The following PLA2G2D variants were observed in gnomAD, a reference collection of about 807,000 sequenced individuals.
PLA2G2D encodes the protein group IID secretory phospholipase A2.
A neutral mutation model predicts 13.9 loss-of-function variants in PLA2G2D; 17 were observed. The observed-to-expected ratio is 1.23, with a 90% CI of 0.84 to 1.84. The LOEUF (loss-of-function observed/expected upper bound fraction) is 1.84. Ranked by LOEUF, PLA2G2D falls within the 40% of genes most tolerant of loss-of-function variation. The probability of loss-of-function intolerance (pLI) is 0.00; values close to 1 mark genes in which losing one functional copy is unlikely to be tolerated. For synonymous variants in PLA2G2D, 83 were observed against 69.3 expected, an observed-to-expected ratio of 1.20 and a Z score of -0.98; for missense variants, 194 against 178.7, an observed-to-expected ratio of 1.09 and a Z score of -0.49.
intron 3 of PLA2G2D, among the ~76,000 whole-genome samples, 180 bp from the exon 4 acceptor site, chr1:20,114,439 A>G (rs2016943210): frequency 1.3e-5 from 2 of 152,152 alleles, no homozygotes; most frequent in Non-Finnish European, 2.9e-5. Flanking sequence ...GTGCCATTGC[A>G]CCTTCAGTTA....
chr1:20,115,600 G>A lies in PLA2G2D; in HGVS notation c.199C>T (p.His67Tyr). 3 of 1,609,704 alleles carry A rather than the reference G, an allele frequency of 1.9e-6. No individual in the cohort carries two copies. Among genetic ancestry groups the A allele is most frequent in the Non-Finnish European group, 2.6e-6 (3 of 1,176,056 alleles). Residue 67 changes from histidine (H) to tyrosine (Y), a missense_variant, in exon 3 of 4, where the codon CAT becomes TAT. By Grantham distance (83) the His-to-Tyr change is moderately conservative. Transcript: ENST00000375105. ...TTCAGGTGGTCATAGCAGCAGTCAT[G>A]GGTCTGGCAGCACCTGGAGCAGACA... ...KDATDWCCQT[H>Y]DCCYDHLKTQ... is the part of the protein sequence containing the mutation.
chr1:20,114,007 G>A lies in PLA2G2D; in HGVS notation c.*107C>T. ...GGTAGAGGGTTCCGGGGGAGGCTGGGACTACCTCCCCCCGGAGTGTTTGAA... is the reference window on the plus strand; with the variant it reads ...GGTAGAGGGTTCCGGGGGAGGCTGGAACTACCTCCCCCCGGAGTGTTTGAA... On this transcript the variant is annotated 3_prime_UTR_variant, in exon 4 of 4. Transcript: ENST00000375105. 3.9e-6 allele frequency: 4 copies of A among 1,012,722 alleles called. No individual in the cohort carries two copies. The South Asian group carries it at 6.4e-5, about 16-fold the overall frequency. The allele number at this position is 1,012,722 out of a possible 1,614,324, so 62.7% of individuals were successfully genotyped here.
At chr1:20,114,364 A>T (rs1363884010) in intron 3 of PLA2G2D, 105 bp from the exon 4 acceptor site, 1 of 1,226,388 alleles carries the variant, frequency 8.2e-7, no homozygotes, top group Non-Finnish European at 1.1e-6. Context: ...TCAGTCGTAG[A>T]GGTACCGGTC....
In PLA2G2D at chr1:20,115,537, A is replaced by T. The variant is rs892094232; in HGVS notation, c.262T>A (p.Tyr88Asn). Residue 88 changes from tyrosine to asparagine, a missense_variant, in exon 3 of 4, where the codon TAC becomes AAC. Physicochemically the swap from Tyr to Asn is moderately radical, Grantham distance 143 (BLOSUM62 -2). Coordinates refer to ENST00000375105, the MANE Select transcript of PLA2G2D (RefSeq NM_012400.4). Reference protein sequence around the residue: ...GCSIYKDYYRYNFSQGNIHCS... With the variant: ...GCSIYKDYYRNNFSQGNIHCS... ...TGGATGTTCCCCTGGGAAAAGTTGT[A>T]TCTGTAATAGTCCTTGTAGATGCTG... is the stretch of plus-strand genomic sequence containing the variant. 6.2e-7 allele frequency: 1 copy of T among 1,610,258 alleles called. No individual in the cohort carries two copies. The highest frequency in any genetic ancestry group is 8.5e-7 in the Non-Finnish European group (1 of 1,176,544).
intron 3 of PLA2G2D, among the ~76,000 whole-genome samples, chr1:20,114,794 A>C (rs2016950603): frequency 6.6e-6 from 1 of 152,186 alleles, no homozygotes; most frequent in Admixed American, 6.5e-5. Flanking sequence ...GGGGGCTGTC[A>C]TGAGAGTTAA....
At position 20,115,860 on chromosome 1, in the gene PLA2G2D, G is replaced by A. The variant is rs994553646; in HGVS notation, c.186-247C>T. Among the ~76,000 whole-genome samples the A allele has an allele frequency of 2.6e-5, 4 of 152,112 alleles. No homozygotes were observed. The East Asian group carries it at 5.8e-4, about 22-fold the overall frequency. ...TGGGATGGAGGTACTCATATTATCC[G>A]CTCTTCAGAGATGAAGAAACTGAGA... On this transcript the variant is annotated intron_variant, in intron 2 of 3. Coordinates refer to ENST00000375105, the MANE Select transcript of PLA2G2D (RefSeq NM_012400.4).
intron 2 of PLA2G2D, 144 bp downstream of exon 2, chr1:20,116,189 T>G: frequency 2.3e-6 from 2 of 883,490 alleles, no homozygotes; most frequent in Non-Finnish European, 3.7e-6. Context: ...GCTGGGACCG[T>G]ATTGGCACCC....
intron 3 of PLA2G2D, 126 bp from the exon 4 acceptor site, chr1:20,114,385 C>T (rs2016942056): frequency 4.3e-6 from 4 of 936,324 alleles, no homozygotes; most frequent in African/African-American, 1.7e-5. Context: ...CCAGCAACCT[C>T]GATTCTAGCT....
Position 20,119,506 on chromosome 1 carries a change from G to T in PLA2G2D, c.-8C>A, listed in dbSNP as rs766188759. ...CAGCAGTGCAAGTTCCATGATCCCA[G>T]CACAGAGCAGTGGAGGCAGATGCTG... On this transcript the variant is annotated 5_prime_UTR_variant, in exon 1 of 4. It adds an upstream start codon to the 5' untranslated region. Transcript: ENST00000375105. 1.2e-6 allele frequency: 2 copies of T among 1,613,504 alleles called. No individual in the cohort carries two copies. The highest frequency in any genetic ancestry group is 1.1e-5 in the South Asian group (1 of 91,072).
Position 20,115,663 on chromosome 1 carries a change from C to T in PLA2G2D, c.186-50G>A, listed in dbSNP as rs1313799687. On this transcript the variant is annotated intron_variant, in intron 2 of 3. Coordinates refer to ENST00000375105, the MANE Select transcript of PLA2G2D (RefSeq NM_012400.4). ...GCATGGGTCCCCAGCCTACTGGGGT[C>T]TCTGGCTGCTCCCCCTACTGGAGAA... 4 of 1,156,252 alleles carry T rather than the reference C, an allele frequency of 3.5e-6. No individual in the cohort carries two copies. The African/African-American group carries it at 6.1e-5, about 18-fold the overall frequency. The allele number at this position is 1,156,252 out of a possible 1,614,324, so 71.6% of individuals were successfully genotyped here. A position where few individuals can be genotyped will look rare whatever the true frequency, so the allele number is the denominator to read the frequency against.
intron 1 of PLA2G2D, among the ~76,000 whole-genome samples, chr1:20,118,101 C>G (rs997408233): frequency 1.3e-5 from 2 of 152,116 alleles, no homozygotes; most frequent in Non-Finnish European, 2.9e-5. Flanking sequence ...ATCAGAGATT[C>G]CTAGATTCCA....
In PLA2G2D at chr1:20,114,251, C is replaced by T. The variant is rs754952351; in HGVS notation, c.301G>A (p.Gly101Arg). The change falls in exon 4 of 4, where the codon GGA becomes AGA. Residue 101 changes from glycine to arginine, a missense_variant. Coordinates refer to ENST00000375105, the MANE Select transcript of PLA2G2D (RefSeq NM_012400.4). The stretch of plus-strand genomic sequence containing the variant: ...CACAGCTGCTGCTCACACCAGCTTC[C>T]CTTGTCAGCTGTGGACGGAGAAGGG... Reference protein sequence around the residue: ...SQGNIHCSDKGSWCEQQLCAC... With the variant: ...SQGNIHCSDKRSWCEQQLCAC... 1.2e-6 allele frequency: 2 copies of T among 1,613,514 alleles called. No individual in the cohort carries two copies. The highest frequency in any genetic ancestry group is 2.2e-5 in the East Asian group (1 of 44,866).
chr1:20,117,850 T>G (rs1569872967), intron 1 of PLA2G2D, among the ~76,000 whole-genome samples: 1 of 151,400 alleles, frequency 6.6e-6, no homozygotes. Flanking sequence ...CTGGGAAGGG[T>G]GGTTGGGAGA....
chr1:20,119,359 T>C (rs2017047490), intron 1 of PLA2G2D, 100 bp downstream of exon 1: 1 of 1,069,460 alleles, frequency 9.4e-7, no homozygotes, highest in African/African-American at 1.5e-5. Flanking sequence ...GCCAGGCTCC[T>C]GGGGATCAGA....
chr1:20,112,975 G>C lies in PLA2G2D; in HGVS notation c.*1139C>G, dbSNP rs559067477. 1 of 152,278 alleles carries C rather than the reference G, an allele frequency of 6.6e-6. No homozygotes were observed. The highest frequency in any genetic ancestry group is 1.5e-5 in the Non-Finnish European group (1 of 68,100). 9.4% of individuals were successfully genotyped at this position (152,278 alleles called of 1,614,324 possible). ...ATTTAGGGGAAGGAGGCAGATTGGA[G>C]CAGTTGGCTGCCAACACCTGGCCTC... On this transcript the variant is annotated 3_prime_UTR_variant, in exon 4 of 4. Transcript: ENST00000375105.
chr1:20,114,023 A>G lies in PLA2G2D; in HGVS notation c.*91T>C. 1 of 1,204,962 alleles carries G rather than the reference A, an allele frequency of 8.3e-7. No individual in the cohort carries two copies. Among genetic ancestry groups the G allele is most frequent in the South Asian group, 1.4e-5 (1 of 70,116 alleles). The allele number at this position is 1,204,962 out of a possible 1,614,324, so 74.6% of individuals were successfully genotyped here. On this transcript the variant is annotated 3_prime_UTR_variant, in exon 4 of 4. Coordinates refer to ENST00000375105, the MANE Select transcript of PLA2G2D (RefSeq NM_012400.4). The stretch of plus-strand genomic sequence containing the variant: ...GGAGGCTGGGACTACCTCCCCCCGG[A>G]GTGTTTGAAAAGCCAGGCTGGTTCA...
Position 20,116,392 on chromosome 1 carries a change from C to A in PLA2G2D, c.126G>T (p.Trp42Cys). 1 of 1,614,132 alleles carries A rather than the reference C, an allele frequency of 6.2e-7. No individual in the cohort carries two copies. The highest frequency in any genetic ancestry group is 1.1e-5 in the South Asian group (1 of 91,086). ...VTGKMPILSY[W>C]PYGCHCGLGG... ...CTAGTCCGCAGTGACAGCCGTAGGG[C>A]CAGTAGGAGAGGATGGGCATTTTCC... The change falls in exon 2 of 4, where the codon TGG becomes TGT. Residue 42 changes from tryptophan to cysteine, a missense_variant. Coordinates refer to ENST00000375105, the MANE Select transcript of PLA2G2D (RefSeq NM_012400.4).
In PLA2G2D at chr1:20,116,322, A is replaced by G. The variant is rs1191467871; in HGVS notation, c.185+11T>C. On this transcript the variant is annotated intron_variant, in intron 2 of 3. Coordinates refer to ENST00000375105, the MANE Select transcript of PLA2G2D (RefSeq NM_012400.4). ...ACAGTATAGGATTGCCAGCCCTGAG[A>G]AAGGAGTTACCAGTCCGTGGCATCT... 7 of 1,613,798 alleles carry G rather than the reference A, an allele frequency of 4.3e-6. No homozygotes were observed. The highest frequency in any genetic ancestry group is 5.9e-6 in the Non-Finnish European group (7 of 1,179,742).
At chr1:20,117,309 T>A (rs1028555165) in intron 1 of PLA2G2D, among the ~76,000 whole-genome samples, 1 of 152,142 alleles carries the variant, frequency 6.6e-6, no homozygotes, top group Admixed American at 6.5e-5. Context: ...TTTACAACAG[T>A]CTGGTTTCAT....
Sources: gnomAD v4.1 joint callset for allele counts (sites outside exome capture counted in the v4.1 genomes callset) on GRCh38, gnomAD v4.1.1 for gene constraint, MANE v1.5 for transcripts, NCBI Gene and HGNC (gene_info 2026-07-23, HGNC 2026-07-21) for gene names.